The following PCDHGB4 variants were observed in gnomAD, a reference collection of about 807,000 sequenced individuals.
The protein encoded by PCDHGB4 is protocadherin gamma-B4.
Under a neutral mutation model 60.5 loss-of-function variants are expected in PCDHGB4, and 38 were observed. The ratio of observed to expected loss-of-function variants is 0.63; its 90% CI spans 0.48 to 0.82. The LOEUF is 0.82. Ranked by LOEUF, PCDHGB4 falls within the 40% of genes least tolerant of loss-of-function variation. The pLI is 0.00. For synonymous variants in PCDHGB4, 456 were observed against 509.7 expected (o/e 0.89, Z 1.42); for missense variants, 1,109 against 1,209.6 (o/e 0.92, Z 1.23).
At chr5:141,398,544 G>A (rs1002395942) in intron 1 of PCDHGB4, 1 of 1,613,852 alleles carries the variant, frequency 6.2e-7, no homozygotes, top group Non-Finnish European at 8.5e-7. Flanking sequence ...ATTCCTTTGA[G>A]CTGCAAATAA....
chr5:141,418,282 A>C, intron 1 of PCDHGB4: 1 of 1,614,030 alleles, frequency 6.2e-7, no homozygotes, highest in Non-Finnish European at 8.5e-7. Flanking sequence ...TAAACTTAGA[A>C]ATCAGTGAAT....
At chr5:141,456,897 A>G (rs1351271896) in intron 1 of PCDHGB4, among the ~76,000 whole-genome samples, 2 of 152,178 alleles carry the variant, frequency 1.3e-5, no homozygotes, top group Admixed American at 1.3e-4. Context: ...CGGGAGGCAG[A>G]GGTTGCAGTG....
At position 141,392,979 on chromosome 5, in the gene PCDHGB4, C is replaced by A. The variant is rs1356713892; in HGVS notation, c.2397+2698C>A. 1.9e-6 allele frequency: 3 copies of A among 1,613,718 alleles called. No individual in the cohort carries two copies. In the South Asian group the frequency reaches 3.3e-5, roughly 18 times the overall value. ...TATCTCCAAGGACCTGGGGCTGGACCCCCGGAAGCTGGCGAAGCACGGAGT... is the reference window on the plus strand; with the variant it reads ...TATCTCCAAGGACCTGGGGCTGGACACCCGGAAGCTGGCGAAGCACGGAGT... On this transcript the variant is annotated intron_variant, in intron 1 of 3. Transcript: ENST00000519479.
chr5:141,390,399 G>A (rs545358089), intron 1 of PCDHGB4, 118 bp downstream of exon 1: 2 of 1,359,380 alleles, frequency 1.5e-6, no homozygotes, highest in Non-Finnish European at 2.0e-6. Context: ...GATCATTTTA[G>A]GAAAGTTGTA....
Position 141,477,148 on chromosome 5 carries a change from T to A in PCDHGB4, c.2398-17659T>A. 1 of 1,614,172 alleles carries A rather than the reference T, an allele frequency of 6.2e-7. No individual in the cohort carries two copies. Among genetic ancestry groups the A allele is most frequent in the African/African-American group, 1.3e-5 (1 of 75,050 alleles). On this transcript the variant is annotated intron_variant, in intron 1 of 3. Transcript: ENST00000519479. This position sits in a 1 kb window ranked among gnomAD's most constrained non-coding sequence, Gnocchi z 4.9. ...GCAAAGTGTTGGTGGAGGTTGTGGA[T>A]GTGAATGACAACGCCCCGGAGATCA...
chr5:141,459,068 A>G (rs1278498678), intron 1 of PCDHGB4, among the ~76,000 whole-genome samples: 1 of 152,226 alleles, frequency 6.6e-6, no homozygotes, highest in African/African-American at 2.4e-5. Flanking sequence ...TATATAACAT[A>G]AAATTTGCCT....
chr5:141,409,828 C>CG (rs2095322406), intron 1 of PCDHGB4: 1 of 1,611,010 alleles, frequency 6.2e-7, no homozygotes, highest in African/African-American at 1.3e-5. Flanking sequence ...CGCCCACGCT[C>CG]AGCGCCAACG....
Position 141,486,266 on chromosome 5 carries a change from C to G in PCDHGB4, c.2398-8541C>G, listed in dbSNP as rs1311684194. On this transcript the variant is annotated intron_variant, in intron 1 of 3. Transcript: ENST00000519479. The surrounding 1 kb of genome is among the most constrained non-coding windows in gnomAD (Gnocchi z 5.0). Reference sequence around the variant, plus strand: ...TGGAACCCTCCCCGAGAGTGCAGAACCTGGCACTGTGGTGGCACTTATCAG... The same window carrying G: ...TGGAACCCTCCCCGAGAGTGCAGAAGCTGGCACTGTGGTGGCACTTATCAG... 1 of 1,614,098 alleles carries G rather than the reference C, an allele frequency of 6.2e-7. No individual in the cohort carries two copies.
chr5:141,458,463 C>T (rs749353395), intron 1 of PCDHGB4, among the ~76,000 whole-genome samples: 15 of 151,844 alleles, frequency 9.9e-5, no homozygotes, highest in Admixed American at 8.5e-4. Flanking sequence ...TTTAAAATAC[C>T]GTACAACTGC....
At chr5:141,452,528 A>T (rs1592223895) in intron 1 of PCDHGB4, among the ~76,000 whole-genome samples, 1 of 152,206 alleles carries the variant, frequency 6.6e-6, no homozygotes, top group African/African-American at 2.4e-5. Flanking sequence ...CAAAATCGTG[A>T]GTTCATATTG....
intron 1 of PCDHGB4, chr5:141,394,548 C>T (rs1176145709): frequency 6.2e-7 from 1 of 1,614,160 alleles, no homozygotes; most frequent in Admixed American, 1.7e-5. Context: ...GGAGCTGGCG[C>T]CCCGCTCCGC....
At chr5:141,413,066 A>T in intron 1 of PCDHGB4, 2 of 1,161,944 alleles carry the variant, frequency 1.7e-6, no homozygotes, top group Non-Finnish European at 2.4e-6. Flanking sequence ...TCCAGAATTT[A>T]AAGTGCCCAG....
chr5:141,460,097 G>A (rs2098982102), intron 1 of PCDHGB4, among the ~76,000 whole-genome samples: 2 of 151,812 alleles, frequency 1.3e-5, no homozygotes, highest in African/African-American at 2.4e-5. Context: ...AATTATACAT[G>A]TAATTATATA....
At chr5:141,390,382 T>C in intron 1 of PCDHGB4, 101 bp downstream of exon 1, 2 of 1,443,060 alleles carry the variant, frequency 1.4e-6, no homozygotes, top group South Asian at 1.3e-5. Context: ...AATTTTTAGA[T>C]GTCATGGATC....
In PCDHGB4 at chr5:141,433,322, T is replaced by A. The variant is rs907709272; in HGVS notation, c.2397+43041T>A. On this transcript the variant is annotated intron_variant, in intron 1 of 3. Transcript: ENST00000519479. ...AATTATCCCACCTTTGCCTCCGGTGTAACAGGGACTACAGGTGCAAGCCAC... is the reference window on the plus strand; with the variant it reads ...AATTATCCCACCTTTGCCTCCGGTGAAACAGGGACTACAGGTGCAAGCCAC... The A allele has an allele frequency of 5.3e-6, 4 of 760,298 alleles. No homozygotes were observed. In the African/African-American group the frequency reaches 7.1e-5, roughly 13 times the overall value. The allele number at this position is 760,298 out of a possible 1,614,324, so 47.1% of individuals were successfully genotyped here.
At position 141,486,250 on chromosome 5, in the gene PCDHGB4, C is replaced by T; in HGVS notation, c.2398-8557C>T. 1 of 1,614,140 alleles carries T rather than the reference C, an allele frequency of 6.2e-7. No homozygotes were observed. The highest frequency in any genetic ancestry group is 2.2e-5 in the East Asian group (1 of 44,872). On this transcript the variant is annotated intron_variant, in intron 1 of 3. Coordinates refer to ENST00000519479, the MANE Select transcript of PCDHGB4 (RefSeq NM_003736.4). The surrounding 1 kb of genome is among the most constrained non-coding windows in gnomAD (Gnocchi z 5.0). ...CAGTGACCTCAGAGCTTGGAACCCT[C>T]CCCGAGAGTGCAGAACCTGGCACTG...
intron 2 of PCDHGB4, among the ~76,000 whole-genome samples, chr5:141,497,539 C>A (rs2099777336): frequency 6.9e-6 from 1 of 145,274 alleles, no homozygotes; most frequent in African/African-American, 2.6e-5. Context: ...ATGCAACAAA[C>A]CTTTTTTTTT....
intron 1 of PCDHGB4, among the ~76,000 whole-genome samples, chr5:141,448,521 GCATCCTGTCAGCATTTC>G (rs1378426350): frequency 1.3e-5 from 2 of 151,994 alleles, no homozygotes; most frequent in Non-Finnish European, 2.9e-5. Flanking sequence ...ACTTTATTAA[GCATCCTGTCAGCATTTC>G]TTATGCAAAT....
At chr5:141,469,885 C>A (rs1464434089) in intron 1 of PCDHGB4, among the ~76,000 whole-genome samples, 3 of 152,204 alleles carry the variant, frequency 2.0e-5, no homozygotes, top group African/African-American at 4.8e-5. Context: ...AATCTCGGCA[C>A]TTTGGGAAGC....
Sources: gnomAD v4.1 joint callset for allele counts (sites outside exome capture counted in the v4.1 genomes callset) on GRCh38, gnomAD v4.1.1 for gene constraint, Gnocchi (gnomAD v3.1) non-coding constraint, MANE v1.5 for transcripts, NCBI Gene and HGNC (gene_info 2026-07-23, HGNC 2026-07-21) for gene names.